Variants in ADAMTS17 observed in about 807,000 individuals in gnomAD.
The protein encoded by ADAMTS17 is ADAM metallopeptidase with thrombospondin type 1 motif 17, also known as A disintegrin and metalloproteinase with thrombospondin motifs 17.
A neutral mutation model predicts 141.5 loss-of-function variants in ADAMTS17; 113 were observed. The ratio of observed to expected loss-of-function variants is 0.80; its 90% CI spans 0.69 to 0.93. The LOEUF is 0.93. Ranked by LOEUF, ADAMTS17 falls within the 40% of genes least tolerant of loss-of-function variation. The pLI, the probability that ADAMTS17 is intolerant of heterozygous loss-of-function variation, is 0.00. For missense variants in ADAMTS17, 1,659 were observed against 1,517.9 expected (o/e 1.09, Z -1.54); for synonymous variants, 768 against 630.6 (o/e 1.22, Z -3.27).
At chr15:100,206,115 C>T (rs1056942382) in intron 7 of ADAMTS17, among the ~76,000 whole-genome samples, 18 of 152,338 alleles carry the variant, frequency 1.2e-4, no homozygotes, top group Admixed American at 3.9e-4. Flanking sequence ...GGAGCAACGG[C>T]GGGCGGCACC....
chr15:100,214,530 A>AT (rs1456065717), intron 7 of ADAMTS17, among the ~76,000 whole-genome samples: 1 of 152,204 alleles, frequency 6.6e-6, no homozygotes, highest in African/African-American at 2.4e-5. Context: ...TATAATAATA[A>AT]AAAACTTGAA....
At chr15:100,040,319 T>C (rs1184740596) in intron 18 of ADAMTS17, among the ~76,000 whole-genome samples, 1 of 152,242 alleles carries the variant, frequency 6.6e-6, no homozygotes, top group East Asian at 1.9e-4. Context: ...CTGATGTTTC[T>C]TCCAGAACCT....
At chr15:99,983,922 A>G (rs2060530803) in intron 20 of ADAMTS17, among the ~76,000 whole-genome samples, 2 of 152,230 alleles carry the variant, frequency 1.3e-5, no homozygotes, top group African/African-American at 2.4e-5. Flanking sequence ...CATTTTGAGC[A>G]GGTTTCTCCC....
chr15:100,036,427 A>G (rs1022951329), intron 18 of ADAMTS17, among the ~76,000 whole-genome samples: 1 of 152,240 alleles, frequency 6.6e-6, no homozygotes. Flanking sequence ...AGTGACAATT[A>G]GGACCTTTCT....
intron 15 of ADAMTS17, among the ~76,000 whole-genome samples, chr15:100,079,186 A>G (rs1229443203): frequency 6.6e-6 from 1 of 152,192 alleles, no homozygotes; most frequent in Non-Finnish European, 1.5e-5. Flanking sequence ...TCACTCACCA[A>G]TTCCATTCCC....
chr15:100,145,380 T>C (rs967795590), intron 10 of ADAMTS17, among the ~76,000 whole-genome samples: 3 of 152,230 alleles, frequency 2.0e-5, no homozygotes, highest in Non-Finnish European at 4.4e-5. Context: ...ACTATGAATA[T>C]TTTTCTTTCG....
At chr15:100,246,540 T>TA (rs2042991945) in intron 7 of ADAMTS17, among the ~76,000 whole-genome samples, 1 of 152,220 alleles carries the variant, frequency 6.6e-6, no homozygotes, top group Admixed American at 6.5e-5. Context: ...AACGAATATG[T>TA]AATTAAGCCT....
intron 8 of ADAMTS17, among the ~76,000 whole-genome samples, chr15:100,165,899 T>A (rs2039933845): frequency 6.6e-6 from 1 of 152,170 alleles, no homozygotes; most frequent in Admixed American, 6.5e-5. Context: ...TTTTTGTTTT[T>A]TTTTCCAGAA....
chr15:100,309,446 C>T (rs1237907133), intron 3 of ADAMTS17, among the ~76,000 whole-genome samples: 1 of 152,176 alleles, frequency 6.6e-6, no homozygotes, highest in African/African-American at 2.4e-5. Context: ...CTCGGGGGTG[C>T]CCCCTGCCCA....
intron 12 of ADAMTS17, among the ~76,000 whole-genome samples, chr15:100,124,848 G>A (rs1271576460): frequency 6.6e-6 from 1 of 152,208 alleles, no homozygotes; most frequent in Non-Finnish European, 1.5e-5. Context: ...TCCTGCTGAA[G>A]TGGAGTCCTC....
At chr15:100,230,322 C>T (rs140484601) in intron 7 of ADAMTS17, among the ~76,000 whole-genome samples, 5 of 152,276 alleles carry the variant, frequency 3.3e-5, no homozygotes, top group Non-Finnish European at 7.4e-5. Context: ...ACATCAGATG[C>T]GCATCCAGGG....
chr15:100,252,970 C>T (rs181054299), intron 7 of ADAMTS17, among the ~76,000 whole-genome samples: 1 of 152,262 alleles, frequency 6.6e-6, no homozygotes, highest in African/African-American at 2.4e-5. Context: ...GGCCACCCAG[C>T]TGGCACGTGG....
intron 8 of ADAMTS17, among the ~76,000 whole-genome samples, chr15:100,169,784 C>T (rs1050233035): frequency 1.3e-5 from 2 of 152,206 alleles, no homozygotes. Flanking sequence ...CCGGGGGCAT[C>T]TGGTCACGGG....
chr15:100,135,388 A>G (rs1478940024), intron 10 of ADAMTS17, among the ~76,000 whole-genome samples: 1 of 150,974 alleles, frequency 6.6e-6, no homozygotes, highest in Non-Finnish European at 1.5e-5. Flanking sequence ...GGTTCACGCC[A>G]TTCTCCTGCC....
At chr15:99,975,045 G>T (rs531724204) in intron 21 of ADAMTS17, among the ~76,000 whole-genome samples, 1 of 152,166 alleles carries the variant, frequency 6.6e-6, no homozygotes, top group East Asian at 1.9e-4. Flanking sequence ...CAAGCAGGCC[G>T]GTGCTTGAAA....
At chr15:100,254,521 TGG>T (rs1159866749) in intron 6 of ADAMTS17, among the ~76,000 whole-genome samples, 1 of 152,186 alleles carries the variant, frequency 6.6e-6, no homozygotes, top group Non-Finnish European at 1.5e-5. Context: ...CCAACTGCAG[TGG>T]CCTCCCCAAG....
intron 18 of ADAMTS17, among the ~76,000 whole-genome samples, chr15:100,009,595 G>A (rs771180955): frequency 1.3e-5 from 2 of 152,092 alleles, no homozygotes; most frequent in South Asian, 2.1e-4. Context: ...GACCTCTACC[G>A]AGCACTCAGC....
intron 19 of ADAMTS17, among the ~76,000 whole-genome samples, chr15:99,996,686 C>G (rs1304715476): frequency 6.6e-6 from 1 of 152,186 alleles, no homozygotes; most frequent in Non-Finnish European, 1.5e-5. Flanking sequence ...ATTTTCCACA[C>G]TGAAGAGTGT....
At chr15:100,159,987 G>A (rs1226026369) in intron 8 of ADAMTS17, among the ~76,000 whole-genome samples, 3 of 152,194 alleles carry the variant, frequency 2.0e-5, no homozygotes, top group Non-Finnish European at 4.4e-5. Flanking sequence ...AACTTACACA[G>A]AGGTTGCACT....
Sources: gnomAD v4.1 joint callset for allele counts (sites outside exome capture counted in the v4.1 genomes callset) on GRCh38, gnomAD v4.1.1 for gene constraint, MANE v1.5 for transcripts, NCBI Gene and HGNC (gene_info 2026-07-23, HGNC 2026-07-21) for gene names.